COLEC11: variants seen among roughly 807,000 people sequenced by gnomAD.
COLEC11 encodes collectin subfamily member 11.
A neutral mutation model predicts 27.3 loss-of-function variants in COLEC11; 20 were observed. The ratio of observed to expected loss-of-function variants is 0.73; its 90% CI spans 0.51 to 1.06. COLEC11 has a LOEUF of 1.06. Among genes scored for constraint, COLEC11 ranks in the 50% least tolerant of loss-of-function variants. The pLI, the probability that COLEC11 is intolerant of heterozygous loss-of-function variation, is 0.00. For synonymous variants in COLEC11, 163 were observed against 154.7 expected, an observed-to-expected ratio of 1.05 and a Z score of -0.40; for missense variants, 310 against 383.0, an observed-to-expected ratio of 0.81 and a Z score of 1.59.
At chr2:3,641,281 A>G (rs1301042524) in intron 5 of COLEC11, 1 of 1,304,132 alleles carries the variant, frequency 7.7e-7, no homozygotes, top group South Asian at 1.2e-5. Flanking sequence ...GGCTGCTTGG[A>G]AGGTGTGCTT....
In COLEC11 at chr2:3,644,506, A is replaced by G. The variant is rs1666125955; in HGVS notation, c.*388A>G. ...TACTACCTTTTAATTTCTATATGGAAAAGAACTCACTTTGACCAACACTTC... is the reference window on the plus strand; with the variant it reads ...TACTACCTTTTAATTTCTATATGGAGAAGAACTCACTTTGACCAACACTTC... On this transcript the variant is annotated 3_prime_UTR_variant, in exon 7 of 7. Transcript: ENST00000349077. 2 of 469,798 alleles carry G rather than the reference A, an allele frequency of 4.3e-6. No homozygotes were observed. Among genetic ancestry groups the G allele is most frequent in the Admixed American group, 4.7e-5 (2 of 42,806 alleles). 29.1% of individuals were successfully genotyped at this position (469,798 alleles called of 1,614,324 possible).
intron 3 of COLEC11, among the ~76,000 whole-genome samples, chr2:3,635,764 A>G (rs1045376391): frequency 3.9e-5 from 6 of 152,154 alleles, no homozygotes; most frequent in African/African-American, 9.7e-5. Context: ...TCGTCCCTGC[A>G]TCGTCCCCCA....
At chr2:3,612,809 T>G (rs981223322) in intron 2 of COLEC11, among the ~76,000 whole-genome samples, 16 of 152,144 alleles carry the variant, frequency 1.1e-4, no homozygotes, top group African/African-American at 3.9e-4. Flanking sequence ...GCCCCCGTGG[T>G]GGAGGCCCTG....
At position 3,631,710 on chromosome 2, in the gene COLEC11, G is replaced by A. The variant is rs151142284; in HGVS notation, c.203-5823G>A. On this transcript the variant is annotated intron_variant, in intron 3 of 6. Coordinates refer to ENST00000349077, the MANE Select transcript of COLEC11 (RefSeq NM_024027.5). ...CCCCTGCTCGGAGGGGGCTCTGCTCGGAGGGGGCCCCTACTCGGAGGGGAC... is the reference window on the plus strand; with the variant it reads ...CCCCTGCTCGGAGGGGGCTCTGCTCAGAGGGGGCCCCTACTCGGAGGGGAC... Among the ~76,000 whole-genome samples the A allele has an allele frequency of 5.9e-3, 893 of 151,384 alleles. 8 individuals carry two copies. The highest frequency in any genetic ancestry group is 0.021 in the African/African-American group (847 of 40,936).
chr2:3,606,051 T>A, intron 2 of COLEC11: 1 of 1,547,122 alleles, frequency 6.5e-7, no homozygotes, highest in South Asian at 1.2e-5. Flanking sequence ...TACGGCTCTC[T>A]CAGAAGTTTT....
At chr2:3,617,238 G>T (rs750201085) in intron 3 of COLEC11, among the ~76,000 whole-genome samples, 1 of 151,694 alleles carries the variant, frequency 6.6e-6, no homozygotes, top group African/African-American at 2.4e-5. Context: ...ATGGCTCTCT[G>T]ATTAAACTGC....
intron 1 of COLEC11, among the ~76,000 whole-genome samples, chr2:3,597,909 TTG>T (rs1661966810): frequency 6.6e-6 from 1 of 152,118 alleles, no homozygotes; most frequent in Non-Finnish European, 1.5e-5. Context: ...GACATTATTT[TTG>T]TATTTTTTAT....
intron 5 of COLEC11, chr2:3,641,228 T>G (rs1192040718): frequency 1.5e-6 from 2 of 1,304,232 alleles, no homozygotes; most frequent in South Asian, 1.2e-5. Context: ...ATAAAAGTCC[T>G]TGTTTTAAAA....
intron 5 of COLEC11, chr2:3,641,212 T>G (rs997330857): frequency 7.7e-7 from 1 of 1,303,548 alleles, no homozygotes; most frequent in African/African-American, 1.5e-5. Flanking sequence ...GGGGCTGGAT[T>G]TCTGAATAAA....
At chr2:3,596,417 A>ACCT (rs747335291) in intron 1 of COLEC11, among the ~76,000 whole-genome samples, 52 of 149,892 alleles carry the variant, frequency 3.5e-4, no homozygotes, top group Non-Finnish European at 6.2e-4. Flanking sequence ...GCTCACTGCA[A>ACCT]CCTCCGCCTC....
chr2:3,635,365 C>T lies in COLEC11; in HGVS notation c.203-2168C>T, dbSNP rs578097336. On this transcript the variant is annotated intron_variant, in intron 3 of 6. Coordinates refer to ENST00000349077, the MANE Select transcript of COLEC11 (RefSeq NM_024027.5). Reference sequence around the variant, plus strand: ...CCCCCTTCACCCCCAGCCTGCTCTGCCCTTGGTCTCCTTTTGCGCCTTTCA... The same window carrying T: ...CCCCCTTCACCCCCAGCCTGCTCTGTCCTTGGTCTCCTTTTGCGCCTTTCA... Among the ~76,000 whole-genome samples, 16 of 152,232 alleles carry T rather than the reference C, an allele frequency of 1.1e-4. No homozygotes were observed. The Middle Eastern group carries it at 0.01, about 97-fold the overall frequency.
chr2:3,634,571 C>G (rs1558514459), intron 3 of COLEC11, among the ~76,000 whole-genome samples: 1 of 152,184 alleles, frequency 6.6e-6, no homozygotes, highest in Non-Finnish European at 1.5e-5. Flanking sequence ...TTGATTGAAG[C>G]TGTTTGTTCC....
chr2:3,615,108 C>CCT (rs1663553930), intron 3 of COLEC11, among the ~76,000 whole-genome samples: 2 of 146,544 alleles, frequency 1.4e-5, no homozygotes, highest in East Asian at 3.9e-4. Flanking sequence ...TATTTTCTTT[C>CCT]TTTTTTTTTT....
chr2:3,617,136 TC>T (rs1663816974), intron 3 of COLEC11, among the ~76,000 whole-genome samples: 1 of 151,948 alleles, frequency 6.6e-6, no homozygotes, highest in Non-Finnish European at 1.5e-5. Flanking sequence ...TTTTTTCTTT[TC>T]TTTTTTTTTT....
chr2:3,620,503 T>C (rs774029477), intron 3 of COLEC11, among the ~76,000 whole-genome samples: 1 of 152,136 alleles, frequency 6.6e-6, no homozygotes, highest in Non-Finnish European at 1.5e-5. Flanking sequence ...CAACTCTTAG[T>C]TTTGTCGCTT....
chr2:3,604,056 C>T (rs113768350), intron 1 of COLEC11: 515 of 584,230 alleles, frequency 8.8e-4, no homozygotes, highest in African/African-American at 8.6e-3. Flanking sequence ...GTGGGCGAGC[C>T]GTAGGCCTTC....
chr2:3,613,479 G>T (rs1663400996), intron 3 of COLEC11, 97 bp downstream of exon 3: 2 of 1,313,274 alleles, frequency 1.5e-6, no homozygotes, highest in South Asian at 1.3e-5. Context: ...GTTCCAGAGA[G>T]GACAGGCCCT....
intron 3 of COLEC11, among the ~76,000 whole-genome samples, chr2:3,616,735 A>G (rs1663776190): frequency 6.6e-6 from 1 of 151,924 alleles, no homozygotes; most frequent in Non-Finnish European, 1.5e-5. Context: ...GCTCAGCATC[A>G]AGAGGGAGAT....
chr2:3,614,411 C>G lies in COLEC11; in HGVS notation c.202+1029C>G, dbSNP rs529327340. Reference sequence around the variant, plus strand: ...AATTAAATATATATTTAAGCCCATACGCTGTTTTTTGAAACGTTTTTGAGG... The same window carrying G: ...AATTAAATATATATTTAAGCCCATAGGCTGTTTTTTGAAACGTTTTTGAGG... On this transcript the variant is annotated intron_variant, in intron 3 of 6. Coordinates refer to ENST00000349077, the MANE Select transcript of COLEC11 (RefSeq NM_024027.5). Among the ~76,000 whole-genome samples the G allele has an allele frequency of 4.8e-3, 724 of 152,172 alleles. 4 individuals are homozygous for G. Among genetic ancestry groups the G allele is most frequent in the South Asian group, 0.011 (53 of 4,828 alleles).
Sources: gnomAD v4.1 joint callset for allele counts (sites outside exome capture counted in the v4.1 genomes callset) on GRCh38, gnomAD v4.1.1 for gene constraint, MANE v1.5 for transcripts, NCBI Gene and HGNC (gene_info 2026-07-23, HGNC 2026-07-21) for gene names.